SHANK2: variants seen among roughly 807,000 people sequenced by gnomAD.
The protein encoded by SHANK2 is SH3 and multiple ankyrin repeat domains protein 2.
Under a neutral mutation model 133.7 loss-of-function variants are expected in SHANK2, and 43 were observed. The ratio of observed to expected loss-of-function variants is 0.32; its 90% CI spans 0.25 to 0.41. The LOEUF (loss-of-function observed/expected upper bound fraction) is 0.41. Among genes scored for constraint, SHANK2 ranks in the 10% least tolerant of loss-of-function variants. The pLI is 1.00. For missense variants in SHANK2, 1,994 were observed against 2,235.8 expected (o/e 0.89, Z 2.18); for synonymous variants, 1,017 against 952.8 (o/e 1.07, Z -1.24).
At chr11:70,602,475 C>A (rs2060513502) in intron 17 of SHANK2, among the ~76,000 whole-genome samples, 1 of 152,152 alleles carries the variant, frequency 6.6e-6, no homozygotes, top group African/African-American at 2.4e-5. Context: ...TGTTTACAGC[C>A]CCCCAAACCA....
chr11:70,663,254 G>A (rs782292228), intron 15 of SHANK2, among the ~76,000 whole-genome samples: 11 of 152,170 alleles, frequency 7.2e-5, no homozygotes, highest in Non-Finnish European at 1.5e-4. Context: ...ACCAGCACCA[G>A]GTTCACGGTC....
chr11:71,125,610 A>G (rs1191219875), intron 3 of SHANK2, among the ~76,000 whole-genome samples: 1 of 152,266 alleles, frequency 6.6e-6, no homozygotes. Context: ...GAAAGAAGCC[A>G]TCTCCATAAC....
intron 14 of SHANK2, among the ~76,000 whole-genome samples, chr11:70,741,597 G>C (rs764008538): frequency 1.3e-5 from 2 of 152,084 alleles, no homozygotes; most frequent in Non-Finnish European, 2.9e-5. Context: ...AGCTGCCTGG[G>C]TACCCTGTGT....
At chr11:70,822,998 GAGGTGATGTTGGCAGAGTTCATGGGGGAC>G in intron 11 of SHANK2, among the ~76,000 whole-genome samples, 2 of 135,524 alleles carry the variant, frequency 1.5e-5, no homozygotes, top group African/African-American at 2.9e-5. Flanking sequence ...ATGGGGGACA[GAGGTGATGTTGGCAGAGTTCATGGGGGAC>G]AGGTGGCGTT....
At chr11:70,664,767 TAG>T (rs1299588211) in intron 15 of SHANK2, among the ~76,000 whole-genome samples, 2 of 152,180 alleles carry the variant, frequency 1.3e-5, no homozygotes, top group African/African-American at 2.4e-5. Flanking sequence ...TCCCATAGAC[TAG>T]AGAAGGGCAG....
At chr11:70,575,233 C>T (rs187690864) in intron 17 of SHANK2, among the ~76,000 whole-genome samples, 94 of 152,224 alleles carry the variant, frequency 6.2e-4, no homozygotes, top group Non-Finnish European at 1.1e-3. Context: ...AAAGGCCAGC[C>T]GGATGTGGTA....
rs144836592 is a variant in SHANK2 at position 70,486,180 on chromosome 11, G to C, written c.4113C>G (p.Pro1371=). ...ISAAPEPTTV[P]GRTIVAVGSM... ...AGCCCACCGCGACGATGGTTCTGCC[G>C]GGCACGGTGGTGGGCTCGGGGGCAG... is the stretch of plus-strand genomic sequence containing the variant. Residue 1371 remains proline (P), a synonymous_variant, in exon 25 of 26, where the codon CCC becomes CCG. Coordinates refer to ENST00000601538, the MANE Select transcript of SHANK2 (RefSeq NM_012309.5). This position sits in a 1 kb window ranked among gnomAD's most constrained non-coding sequence, Gnocchi z 8.0. The C allele has an allele frequency of 6.2e-7, 1 of 1,613,446 alleles. No individual in the cohort carries two copies. Among genetic ancestry groups the C allele is most frequent in the Non-Finnish European group, 8.5e-7 (1 of 1,179,516 alleles).
At chr11:70,564,692 T>C (rs1371862499) in intron 17 of SHANK2, among the ~76,000 whole-genome samples, 3 of 152,320 alleles carry the variant, frequency 2.0e-5, no homozygotes, top group East Asian at 3.9e-4. Flanking sequence ...TCTTTTTTTT[T>C]CTCTGTGTTT....
chr11:70,737,784 G>A (rs1185950782), intron 14 of SHANK2, among the ~76,000 whole-genome samples: 1 of 152,244 alleles, frequency 6.6e-6, no homozygotes, highest in African/African-American at 2.4e-5. Flanking sequence ...AATGATTCCA[G>A]AATGAAGGCT....
intron 17 of SHANK2, among the ~76,000 whole-genome samples, chr11:70,631,394 A>ACACACACACACACACC: frequency 6.7e-6 from 1 of 149,390 alleles, no homozygotes; most frequent in Non-Finnish European, 1.5e-5. Context: ...ACACACACAC[A>ACACACACACACACACC]CACACACACA....
At chr11:70,847,524 C>A (rs1283559894) in intron 11 of SHANK2, among the ~76,000 whole-genome samples, 4 of 152,184 alleles carry the variant, frequency 2.6e-5, no homozygotes, top group African/African-American at 9.7e-5. Flanking sequence ...GTGCTGCCCC[C>A]CTACCCAACT....
intron 10 of SHANK2, among the ~76,000 whole-genome samples, chr11:70,910,222 A>T (rs1950170728): frequency 6.6e-6 from 1 of 152,194 alleles, no homozygotes; most frequent in Admixed American, 6.5e-5. Context: ...GCAGGAATTT[A>T]GGGGGACACC....
intron 3 of SHANK2, among the ~76,000 whole-genome samples, chr11:71,125,443 A>C (rs1228525812): frequency 6.6e-6 from 1 of 152,240 alleles, no homozygotes; most frequent in African/African-American, 2.4e-5. Flanking sequence ...TTGAGTCACC[A>C]AACTTTGATG....
intron 2 of SHANK2, among the ~76,000 whole-genome samples, chr11:71,205,938 G>A (rs1223228115): frequency 2.0e-5 from 3 of 152,062 alleles, no homozygotes; most frequent in Non-Finnish European, 4.4e-5. Flanking sequence ...AGGTGAAACG[G>A]GGCTGGGGAC....
intron 3 of SHANK2, among the ~76,000 whole-genome samples, chr11:71,127,929 G>A (rs781830736): frequency 1.5e-4 from 23 of 152,146 alleles, no homozygotes; most frequent in Non-Finnish European, 2.9e-4. Flanking sequence ...ATACAACCCC[G>A]CGCCCCAGCC....
chr11:71,132,611 T>C (rs1301738637), intron 3 of SHANK2, among the ~76,000 whole-genome samples: 3 of 152,154 alleles, frequency 2.0e-5, no homozygotes, highest in African/African-American at 7.2e-5. Flanking sequence ...ATCTCTCCCA[T>C]ATACAAAGCA....
intron 17 of SHANK2, among the ~76,000 whole-genome samples, chr11:70,620,109 A>C (rs913731922): frequency 1.8e-4 from 28 of 152,044 alleles, no homozygotes; most frequent in African/African-American, 6.0e-4. Flanking sequence ...CTCTGACCTC[A>C]TCAAGCCCTA....
chr11:70,505,258 G>A (rs1167384408), intron 17 of SHANK2, among the ~76,000 whole-genome samples: 2 of 152,172 alleles, frequency 1.3e-5, no homozygotes, highest in East Asian at 3.9e-4. Flanking sequence ...TTGGATGCCA[G>A]GGTGAAGTTA....
intron 14 of SHANK2, among the ~76,000 whole-genome samples, chr11:70,718,439 C>T (rs149510609): frequency 1.9e-3 from 289 of 151,446 alleles, no homozygotes; most frequent in Non-Finnish European, 3.1e-3. Flanking sequence ...GGGTCCTTAG[C>T]GGGGCTTGGG....
Sources: allele counts gnomAD v4.1 joint callset (sites outside exome capture counted in the v4.1 genomes callset), GRCh38; gene constraint gnomAD v4.1.1; non-coding constraint Gnocchi (gnomAD v3.1); transcripts MANE v1.5; gene names NCBI Gene and HGNC (gene_info 2026-07-23, HGNC 2026-07-21).